Variants in PCDHA1 observed in about 807,000 individuals in gnomAD.
The protein encoded by PCDHA1 is protocadherin alpha 1, also known as protocadherin alpha-1.
In PCDHA1, 42 loss-of-function variants were observed where a neutral mutation model predicts 61.3. The observed-to-expected ratio is 0.69, with a 90% CI of 0.54 to 0.89. The LOEUF is 0.89. Among genes scored for constraint, PCDHA1 ranks in the 40% least tolerant of loss-of-function variants. The probability of loss-of-function intolerance (pLI) is 0.00; values close to 1 mark genes in which losing one functional copy is unlikely to be tolerated. For missense variants in PCDHA1, 1,256 were observed against 1,235.3 expected, an observed-to-expected ratio of 1.02 and a Z score of -0.25; for synonymous variants, 610 against 553.8, an observed-to-expected ratio of 1.10 and a Z score of -1.43.
chr5:140,843,269 C>T, intron 1 of PCDHA1: 1 of 1,596,112 alleles, frequency 6.3e-7, no homozygotes, highest in Non-Finnish European at 8.6e-7. Flanking sequence ...TCTGCTGGTC[C>T]TGGTGAAGGA....
chr5:140,823,029 G>C (rs2150121512), intron 1 of PCDHA1: 2 of 1,614,104 alleles, frequency 1.2e-6, no homozygotes, highest in African/African-American at 1.3e-5. Context: ...AGAGCGTGTC[G>C]GTCTATGAGC....
At chr5:140,931,817 C>A (rs2087768963) in intron 1 of PCDHA1, among the ~76,000 whole-genome samples, 1 of 151,876 alleles carries the variant, frequency 6.6e-6, no homozygotes, top group Non-Finnish European at 1.5e-5. Context: ...GAAAAGAATT[C>A]TTGTCATAGT....
intron 1 of PCDHA1, among the ~76,000 whole-genome samples, chr5:140,937,875 G>GCATGGCGCCCAGGCGC (rs1467494060): frequency 1.3e-5 from 2 of 150,442 alleles, no homozygotes; most frequent in African/African-American, 4.9e-5. Context: ...TCGCGCCACT[G>GCATGGCGCCCAGGCGC]CACTCCAGCC....
intron 1 of PCDHA1, among the ~76,000 whole-genome samples, chr5:140,933,619 T>C (rs2089273151): frequency 2.6e-5 from 4 of 152,058 alleles, no homozygotes; most frequent in Non-Finnish European, 2.9e-5. Flanking sequence ...TCTTATTAGG[T>C]TAGGCTGGCC....
chr5:140,846,369 CTTTCTTT>C (rs1320771612), intron 1 of PCDHA1, among the ~76,000 whole-genome samples: 4 of 102,192 alleles, frequency 3.9e-5, no homozygotes, highest in African/African-American at 3.8e-5. Flanking sequence ...TCTTTTCTTT[CTTTCTTT>C]TTTTTTTTTT....
intron 1 of PCDHA1, chr5:140,797,161 G>A (rs782528536): frequency 1.9e-6 from 3 of 1,613,998 alleles, no homozygotes; most frequent in South Asian, 1.1e-5. Context: ...GGGTGCGCGC[G>A]CGCCAGGAAA....
At chr5:140,861,849 T>G (rs2047107514) in intron 1 of PCDHA1, 1 of 156,218 alleles carries the variant, frequency 6.4e-6, no homozygotes, top group Non-Finnish European at 1.4e-5. Flanking sequence ...CTACTCTTGG[T>G]GCTCAAAGCA....
At chr5:140,836,226 G>A (rs2150255881) in intron 1 of PCDHA1, 3 of 1,613,708 alleles carry the variant, frequency 1.9e-6, no homozygotes, top group Admixed American at 1.7e-5. Flanking sequence ...GCAACCGGTG[G>A]CGGCCGGTGC....
At chr5:140,830,275 C>A (rs147028446) in intron 1 of PCDHA1, 3 of 1,613,698 alleles carry the variant, frequency 1.9e-6, no homozygotes, top group Non-Finnish European at 2.5e-6. Context: ...CGCCACCCAC[C>A]GAGGGCGCGT....
In PCDHA1 at chr5:141,000,421, A is replaced by ATTTTT. The variant is rs34755515; in HGVS notation, c.2543-9187_2543-9183dup. Among the ~76,000 whole-genome samples, 110 of 27,976 alleles carry ATTTTT rather than the reference A, an allele frequency of 3.9e-3. 3 individuals carry two copies. Among genetic ancestry groups the ATTTTT allele is most frequent in the Non-Finnish European group, 5.0e-3 (89 of 17,656 alleles). The allele number at this position is 27,976 out of a possible 152,430, so 18.4% of individuals were successfully genotyped here. ...TATATATATATATATATATATATATATTTTTTTTTTTTTTTTTTTTTTTGA... is the reference window on the plus strand; with the variant it reads ...TATATATATATATATATATATATATATTTTTTTTTTTTTTTTTTTTTTTTTTTTGA... On this transcript the variant is annotated intron_variant, in intron 3 of 3. Coordinates refer to ENST00000504120, the MANE Select transcript of PCDHA1 (RefSeq NM_018900.4).
chr5:140,943,888 T>A (rs567966075), intron 1 of PCDHA1, among the ~76,000 whole-genome samples: 1 of 152,330 alleles, frequency 6.6e-6, no homozygotes, highest in South Asian at 2.1e-4. Context: ...ATTGGACTGG[T>A]CATTATGATG....
intron 1 of PCDHA1, chr5:140,927,472 G>A (rs201932518): frequency 1.6e-4 from 264 of 1,614,094 alleles, no homozygotes; most frequent in Non-Finnish European, 2.0e-4. Context: ...ACTGGATCGC[G>A]AACAGCGCGC....
At chr5:140,814,251 T>C (rs1765470466) in intron 1 of PCDHA1, 1 of 152,578 alleles carries the variant, frequency 6.6e-6, no homozygotes, top group African/African-American at 2.4e-5. Flanking sequence ...AATGAAGATA[T>C]AAACACCCAT....
chr5:140,993,463 CACACACACACACACA>C (rs2097564014), intron 3 of PCDHA1, among the ~76,000 whole-genome samples: 3 of 7,580 alleles, frequency 4.0e-4, no homozygotes, highest in African/African-American at 2.0e-3. Context: ...CTTTCTTTCT[CACACACACACACACA>C]CACACACACA....
rs2150238489 is a variant in PCDHA1 at position 140,835,571 on chromosome 5, G to C, written c.2394+46887G>C. 6 of 1,613,800 alleles carry C rather than the reference G, an allele frequency of 3.7e-6. 1 individual carries two copies. The highest frequency in any genetic ancestry group is 5.1e-6 in the Non-Finnish European group (6 of 1,179,886). On this transcript the variant is annotated intron_variant, in intron 1 of 3. Coordinates refer to ENST00000504120, the MANE Select transcript of PCDHA1 (RefSeq NM_018900.4). ...CCCTGACGCCCCGCGTTCCCTTCAAGTTGGTGTCCACCTTCAAGAATTACT... is the reference window on the plus strand; with the variant it reads ...CCCTGACGCCCCGCGTTCCCTTCAACTTGGTGTCCACCTTCAAGAATTACT...
chr5:140,994,473 C>T (rs1199561805), intron 3 of PCDHA1, among the ~76,000 whole-genome samples: 2 of 152,038 alleles, frequency 1.3e-5, no homozygotes, highest in Admixed American at 6.5e-5. Flanking sequence ...GAGGCTGAGG[C>T]GGGTGGATTG....
chr5:140,859,050 C>T lies in PCDHA1; in HGVS notation c.2394+70366C>T, dbSNP rs1375477710. ...TGCTTTGAACTTTAAAAACGTTTTC[C>T]ATTTTTATTTTAGTTGTAGTGGTAC... On this transcript the variant is annotated intron_variant, in intron 1 of 3. Transcript: ENST00000504120. 1.3e-5 allele frequency: 2 copies of T among 150,490 alleles called. 1 individual carries two copies. The highest frequency in any genetic ancestry group is 3.0e-5 in the Non-Finnish European group (2 of 67,566). The allele number at this position is 150,490 out of a possible 1,614,324, so 9.3% of individuals were successfully genotyped here.
chr5:140,967,691 A>G (rs1586235214), intron 1 of PCDHA1: 1 of 1,614,162 alleles, frequency 6.2e-7, no homozygotes, highest in East Asian at 2.2e-5. Flanking sequence ...GCAGCTCTTC[A>G]GCATAGATGC....
intron 3 of PCDHA1, among the ~76,000 whole-genome samples, chr5:141,008,031 T>C (rs566619568): frequency 1.3e-5 from 2 of 152,336 alleles, no homozygotes; most frequent in Admixed American, 6.5e-5. Flanking sequence ...TTCTTGTTAA[T>C]CTGCCTTTTG....
Sources: allele counts gnomAD v4.1 joint callset (sites outside exome capture counted in the v4.1 genomes callset), GRCh38; gene constraint gnomAD v4.1.1; transcripts MANE v1.5; gene names NCBI Gene and HGNC (gene_info 2026-07-23, HGNC 2026-07-21).